LRP1B: variants seen among roughly 807,000 people sequenced by gnomAD.
LRP1B encodes LDL receptor related protein 1B.
Under a neutral mutation model 556.6 loss-of-function variants are expected in LRP1B, and 217 were observed. That is an observed-to-expected ratio of 0.39 (90% CI 0.35 to 0.44). The LOEUF (loss-of-function observed/expected upper bound fraction) is 0.44. Among genes scored for constraint, LRP1B ranks in the 20% least tolerant of loss-of-function variants. The pLI, the probability that LRP1B is intolerant of heterozygous loss-of-function variation, is 1.00. For missense variants in LRP1B, 5,053 were observed against 5,620.8 expected (o/e 0.90, Z 3.23); for synonymous variants, 2,047 against 1,865.8 (o/e 1.10, Z -2.50).
chr2:141,399,443 T>TC (rs1264170562), intron 3 of LRP1B, among the ~76,000 whole-genome samples: 2 of 96,754 alleles, frequency 2.1e-5, no homozygotes, highest in Non-Finnish European at 5.8e-5. Flanking sequence ...AAAGTCACTG[T>TC]TTCCTCCCTT....
intron 1 of LRP1B, among the ~76,000 whole-genome samples, chr2:141,989,497 T>C (rs1329257875): frequency 6.6e-6 from 1 of 152,148 alleles, no homozygotes; most frequent in African/African-American, 2.4e-5. Flanking sequence ...TCAGTTTTTC[T>C]ATTTTATATT....
chr2:141,366,985 T>C (rs1689063529), intron 3 of LRP1B, among the ~76,000 whole-genome samples: 1 of 152,202 alleles, frequency 6.6e-6, no homozygotes, highest in Admixed American at 6.5e-5. Flanking sequence ...GTTCTAAAGG[T>C]AACAGTAGAG....
intron 2 of LRP1B, among the ~76,000 whole-genome samples, chr2:141,769,617 C>A (rs974397009): frequency 4.6e-5 from 7 of 152,138 alleles, no homozygotes; most frequent in African/African-American, 1.7e-4. Flanking sequence ...CAAATGGACT[C>A]TGAACTGATG....
intron 60 of LRP1B, among the ~76,000 whole-genome samples, chr2:140,466,496 A>G (rs1358710697): frequency 6.6e-6 from 1 of 152,184 alleles, no homozygotes; most frequent in Admixed American, 6.5e-5. Context: ...CTAGGGGTAT[A>G]GAAACAGTTA....
chr2:141,507,405 A>T lies in LRP1B; in HGVS notation c.206-26872T>A, dbSNP rs200541193. Among the ~76,000 whole-genome samples, 63 of 90,922 alleles carry T rather than the reference A, an allele frequency of 6.9e-4. 1 individual carries two copies. The East Asian group carries it at 0.042, about 60-fold the overall frequency. The allele number at this position is 90,922 out of a possible 152,430, so 59.6% of individuals were successfully genotyped here. A position where few individuals can be genotyped will look rare whatever the true frequency, so the allele number is the denominator to read the frequency against. On this transcript the variant is annotated intron_variant, in intron 2 of 90. Transcript: ENST00000389484. The stretch of plus-strand genomic sequence containing the variant: ...AATAACTTTGCAGCCAATAGTTTTA[A>T]AAAATGATATAGATATTTTCCAATT...
chr2:140,868,383 G>C (rs1386806282), intron 25 of LRP1B, 120 bp from the exon 26 acceptor site: 1 of 891,324 alleles, frequency 1.1e-6, no homozygotes, highest in Non-Finnish European at 1.6e-6. Context: ...AAGAGAAACA[G>C]ATGTATTATC....
intron 6 of LRP1B, 78 bp from the exon 7 acceptor site, chr2:141,188,661 C>A (rs2105194536): frequency 7.7e-7 from 1 of 1,297,310 alleles, no homozygotes; most frequent in Non-Finnish European, 1.1e-6. Context: ...TAAGTGTTTC[C>A]AAACCATCAT....
At chr2:141,713,086 C>CT (rs1692426661) in intron 2 of LRP1B, among the ~76,000 whole-genome samples, 2 of 144,498 alleles carry the variant, frequency 1.4e-5, no homozygotes, top group South Asian at 4.6e-4. Context: ...AAAATAATTT[C>CT]ATTTTTTTTT....
intron 15 of LRP1B, 91 bp downstream of exon 15, chr2:141,005,244 C>T (rs2105373282): frequency 1.4e-6 from 2 of 1,380,410 alleles, no homozygotes; most frequent in Non-Finnish European, 9.8e-7. Flanking sequence ...TTTCTCTTTC[C>T]AAGTGTCATT....
Position 140,911,209 on chromosome 2 carries a change from T to C in LRP1B, c.3320-3132A>G, listed in dbSNP as rs140177423. ...ATGTGTTGAAAGGGAGTTAGCTATT[T>C]ATAAATATCTATGATTATATTTCCA... On this transcript the variant is annotated intron_variant, in intron 21 of 90. Coordinates refer to ENST00000389484, the MANE Select transcript of LRP1B (RefSeq NM_018557.3). Among the ~76,000 whole-genome samples the C allele has an allele frequency of 2.7e-3, 404 of 151,956 alleles. 1 individual carries two copies. The highest frequency in any genetic ancestry group is 9.5e-3 in the African/African-American group (396 of 41,558).
chr2:142,047,948 G>A (rs1704317400), intron 1 of LRP1B, among the ~76,000 whole-genome samples: 2 of 152,024 alleles, frequency 1.3e-5, no homozygotes, highest in Non-Finnish European at 2.9e-5. Context: ...GGGATTTTGT[G>A]TTCCAGTAGT....
intron 3 of LRP1B, among the ~76,000 whole-genome samples, chr2:141,364,217 G>T (rs1223599623): frequency 1.3e-5 from 2 of 151,758 alleles, no homozygotes; most frequent in Non-Finnish European, 2.9e-5. Flanking sequence ...GTAAAGAACT[G>T]GGCAAGGCAT....
chr2:141,610,359 T>A (rs930124557), intron 2 of LRP1B, among the ~76,000 whole-genome samples: 2 of 82,598 alleles, frequency 2.4e-5, no homozygotes, highest in African/African-American at 6.5e-5. Context: ...GAAACCCTAT[T>A]TCCATTACTT....
At chr2:141,834,300 A>G (rs1482313284) in intron 1 of LRP1B, among the ~76,000 whole-genome samples, 23 of 151,902 alleles carry the variant, frequency 1.5e-4, no homozygotes, top group Admixed American at 1.5e-3. Flanking sequence ...AATAGAAAAT[A>G]TTGACAAAAA....
chr2:141,380,004 T>A (rs541835606), intron 3 of LRP1B, among the ~76,000 whole-genome samples: 1 of 152,230 alleles, frequency 6.6e-6, no homozygotes, highest in East Asian at 1.9e-4. Context: ...AAAAACAAAA[T>A]AAACACTTCC....
intron 3 of LRP1B, among the ~76,000 whole-genome samples, chr2:141,324,853 T>C (rs1559006014): frequency 6.6e-6 from 1 of 152,088 alleles, no homozygotes; most frequent in Non-Finnish European, 1.5e-5. Flanking sequence ...TTATCAATAT[T>C]CCAAAAGCCA....
intron 84 of LRP1B, among the ~76,000 whole-genome samples, chr2:140,295,531 C>A (rs1683563966): frequency 6.6e-6 from 1 of 152,130 alleles, no homozygotes; most frequent in Non-Finnish European, 1.5e-5. Flanking sequence ...AAGACCTAGG[C>A]TACTTTGTGT....
At chr2:140,497,936 G>C (rs1307296346) in intron 55 of LRP1B, among the ~76,000 whole-genome samples, 1 of 151,560 alleles carries the variant, frequency 6.6e-6, no homozygotes, top group African/African-American at 2.4e-5. Flanking sequence ...ATTTTATTTT[G>C]TTTGAAATAA....
rs936013391 is a variant in LRP1B, at chr2:140,762,257, A to T, written c.5758+6956T>A. Among the ~76,000 whole-genome samples the T allele has an allele frequency of 1.4e-4, 21 of 152,208 alleles. No homozygotes were observed. In the East Asian group the frequency reaches 4.1e-3, roughly 29 times the overall value. ...TTTGATGTCAATCTCAGGGGCAAAAACCCAAAAGAATCCTGAATGCAGAAT... is the reference window on the plus strand; with the variant it reads ...TTTGATGTCAATCTCAGGGGCAAAATCCCAAAAGAATCCTGAATGCAGAAT... On this transcript the variant is annotated intron_variant, in intron 35 of 90. Transcript: ENST00000389484.
Sources: gnomAD v4.1 joint callset for allele counts (sites outside exome capture counted in the v4.1 genomes callset) on GRCh38, gnomAD v4.1.1 for gene constraint, MANE v1.5 for transcripts, NCBI Gene and HGNC (gene_info 2026-07-23, HGNC 2026-07-21) for gene names.